ANKRD44: variants seen among roughly 807,000 people sequenced by gnomAD.
ANKRD44 encodes the protein serine/threonine-protein phosphatase 6 regulatory ankyrin repeat subunit B.
ANKRD44 carries 35 observed loss-of-function variants against 116.0 expected under a neutral mutation model. The ratio of observed to expected loss-of-function variants is 0.30; its 90% CI spans 0.23 to 0.40. The LOEUF is 0.40. ANKRD44 is among the 10% of genes least tolerant of loss of function. ANKRD44 has a pLI of 1.00. For synonymous variants in ANKRD44, 435 were observed against 461.8 expected (o/e 0.94, Z 0.74); for missense variants, 1,014 against 1,242.6 (o/e 0.82, Z 2.77).
At chr2:197,239,717 C>T (rs6757826) in intron 1 of ANKRD44, among the ~76,000 whole-genome samples, 1 of 152,238 alleles carries the variant, frequency 6.6e-6, no homozygotes, top group Non-Finnish European at 1.5e-5. Flanking sequence ...AACATTTACA[C>T]TGTCCCAAAG....
chr2:197,169,738 T>A (rs913555872), intron 2 of ANKRD44, among the ~76,000 whole-genome samples: 2 of 152,160 alleles, frequency 1.3e-5, no homozygotes, highest in African/African-American at 4.8e-5. Flanking sequence ...AGCCCATCAA[T>A]CTGTATTTTA....
chr2:197,063,063 C>T (rs569165224), intron 16 of ANKRD44, among the ~76,000 whole-genome samples: 1 of 152,344 alleles, frequency 6.6e-6, no homozygotes, highest in South Asian at 2.1e-4. Flanking sequence ...CTGGGAGGCA[C>T]CCTCCAGTAG....
intron 1 of ANKRD44, among the ~76,000 whole-genome samples, chr2:197,235,882 A>G (rs2081966738): frequency 6.6e-6 from 1 of 152,132 alleles, no homozygotes; most frequent in Non-Finnish European, 1.5e-5. Flanking sequence ...GTAATAGCAA[A>G]CAAGTCATTG....
In ANKRD44 at chr2:197,136,666, G is replaced by A. The variant is rs2079224346; in HGVS notation, c.191-4C>T. ...TCCTTGGCATTTACACGAGCTCCTG[G>A]AATCAAACAGCACAAGTTAGAGGCA... On this transcript the variant is annotated splice_region_variant and splice_polypyrimidine_tract_variant and intron_variant, in intron 3 of 27. Transcript: ENST00000282272. The A allele has an allele frequency of 1.2e-6, 2 of 1,613,892 alleles. No homozygotes were observed. The highest frequency in any genetic ancestry group is 2.2e-5 in the East Asian group (1 of 44,892).
At chr2:197,197,254 G>A (rs1461957580) in intron 1 of ANKRD44, among the ~76,000 whole-genome samples, 3 of 152,156 alleles carry the variant, frequency 2.0e-5, no homozygotes, top group African/African-American at 7.2e-5. Context: ...GCAGCAGGAA[G>A]AGAGAGGAGC....
chr2:197,236,048 C>T lies in ANKRD44; in HGVS notation c.28-48942G>A, dbSNP rs2081970669. Among the ~76,000 whole-genome samples, 2 of 152,150 alleles carry T rather than the reference C, an allele frequency of 1.3e-5. 1 individual carries two copies. Among genetic ancestry groups the T allele is most frequent in the South Asian group, 4.1e-4 (2 of 4,822 alleles). ...ACTGCACACTTGATGGGAACAGGAC[C>T]AGAGGAAATCGTGCTCCAAGAGATG... On this transcript the variant is annotated intron_variant, in intron 1 of 27. Coordinates refer to ENST00000282272, the MANE Select transcript of ANKRD44 (RefSeq NM_001195144.2).
At chr2:197,137,433 G>A (rs780075297) in intron 3 of ANKRD44, among the ~76,000 whole-genome samples, 35 of 152,192 alleles carry the variant, frequency 2.3e-4, no homozygotes, top group Non-Finnish European at 4.0e-4. Context: ...CAAGGGCTGA[G>A]AAAGTGAGTC....
chr2:197,083,576 A>T, intron 13 of ANKRD44, 67 bp from the exon 14 acceptor site: 2 of 1,546,664 alleles, frequency 1.3e-6, no homozygotes, highest in Non-Finnish European at 1.8e-6. Context: ...TGGCACTAGC[A>T]CTGGCAGCAG....
chr2:197,007,026 G>C (rs1293486328), intron 20 of ANKRD44, among the ~76,000 whole-genome samples: 2 of 151,928 alleles, frequency 1.3e-5, no homozygotes, highest in Admixed American at 1.3e-4. Flanking sequence ...GGATCATTGA[G>C]CCTGGGAGGT....
chr2:197,254,632 TA>T (rs1559189950), intron 1 of ANKRD44, among the ~76,000 whole-genome samples: 1 of 113,954 alleles, frequency 8.8e-6, no homozygotes, highest in East Asian at 2.4e-4. Context: ...CACACACACA[TA>T]TATATATTTG....
chr2:197,291,553 T>C (rs2083569707), intron 1 of ANKRD44, among the ~76,000 whole-genome samples: 1 of 152,066 alleles, frequency 6.6e-6, no homozygotes, highest in African/African-American at 2.4e-5. Context: ...AGTGCGGTAA[T>C]TTACAGGCAT....
chr2:197,264,781 G>T (rs1417620135), intron 1 of ANKRD44, among the ~76,000 whole-genome samples: 2 of 152,216 alleles, frequency 1.3e-5, no homozygotes, highest in African/African-American at 2.4e-5. Context: ...ACTCCTGAGG[G>T]TGATTAGAAA....
At chr2:197,204,745 G>A (rs1574269115) in intron 1 of ANKRD44, among the ~76,000 whole-genome samples, 1 of 152,302 alleles carries the variant, frequency 6.6e-6, no homozygotes, top group East Asian at 1.9e-4. Context: ...GCTCCAGTTA[G>A]CAAATTCTAG....
At chr2:197,007,765 T>C in intron 20 of ANKRD44, 41 bp downstream of exon 20, 1 of 1,314,590 alleles carries the variant, frequency 7.6e-7, no homozygotes, top group South Asian at 1.2e-5. Flanking sequence ...ACAAGCTCAT[T>C]AAAAAAATTG....
intron 27 of ANKRD44, among the ~76,000 whole-genome samples, chr2:196,993,209 T>C (rs977750590): frequency 1.1e-4 from 16 of 152,250 alleles, no homozygotes; most frequent in African/African-American, 3.6e-4. Context: ...TCCAGGTTTT[T>C]ATTTGAGCCC....
chr2:197,040,568 G>C (rs2076892925), intron 16 of ANKRD44, among the ~76,000 whole-genome samples: 1 of 151,820 alleles, frequency 6.6e-6, no homozygotes, highest in Non-Finnish European at 1.5e-5. Flanking sequence ...GTAGAGATGG[G>C]GTTTCACCAT....
chr2:197,276,289 A>G lies in ANKRD44; in HGVS notation c.27+34289T>C, dbSNP rs1022325234. ...AAACTTGGTCTCAAAAAAAAAAAAA[A>G]AAAAAGGAAAATTAAAAAAAGAACT... On this transcript the variant is annotated intron_variant, in intron 1 of 27. Transcript: ENST00000282272. Among the ~76,000 whole-genome samples, 328 of 151,504 alleles carry G rather than the reference A, an allele frequency of 2.2e-3. 1 individual carries two copies. The highest frequency in any genetic ancestry group is 7.6e-3 in the African/African-American group (314 of 41,424).
intron 4 of ANKRD44, among the ~76,000 whole-genome samples, chr2:197,127,239 C>T (rs553177696): frequency 6.6e-6 from 1 of 152,140 alleles, no homozygotes; most frequent in Non-Finnish European, 1.5e-5. Context: ...GTCAAGCATC[C>T]TGACATAAAT....
chr2:197,197,679 G>A (rs996667064), intron 1 of ANKRD44, among the ~76,000 whole-genome samples: 10 of 151,672 alleles, frequency 6.6e-5, no homozygotes, highest in Middle Eastern at 3.2e-3. Flanking sequence ...GCACGGTGGC[G>A]CACACCTGTA....
Sources: gnomAD v4.1 joint callset for allele counts (sites outside exome capture counted in the v4.1 genomes callset) on GRCh38, gnomAD v4.1.1 for gene constraint, MANE v1.5 for transcripts, NCBI Gene and HGNC (gene_info 2026-07-23, HGNC 2026-07-21) for gene names.